Variants in MED12L observed in about 807,000 individuals in gnomAD.
MED12L encodes mediator complex subunit 12L, also known as mediator of RNA polymerase II transcription subunit 12-like protein.
A neutral mutation model predicts 281.3 loss-of-function variants in MED12L; 60 were observed. The observed-to-expected ratio is 0.21, with a 90% confidence interval of 0.17 to 0.26. The LOEUF is 0.26. Among genes scored for constraint, MED12L ranks in the 10% least tolerant of loss-of-function variants. MED12L has a pLI of 1.00. For synonymous variants in MED12L, 974 were observed against 987.2 expected (o/e 0.99, Z 0.25); for missense variants, 2,146 against 2,680.9 (o/e 0.80, Z 4.41).
In MED12L at chr3:151,085,729, G is replaced by T. The variant is rs1001331497; in HGVS notation, c.-337G>T. 6.6e-6 allele frequency: 1 copy of T among 152,022 alleles called. No homozygotes were observed. The highest frequency in any genetic ancestry group is 1.5e-5 in the Non-Finnish European group (1 of 67,972). The allele number at this position is 152,022 out of a possible 1,614,324, so 9.4% of individuals were successfully genotyped here. On this transcript the variant is annotated 5_prime_UTR_variant, in exon 1 of 45. Coordinates refer to ENST00000687756, the MANE Select transcript of MED12L (RefSeq NM_001393769.1). ...AAGCTCGCGCTCCCGGGCCGTGGGG[G>T]CGAGAACGCCGGCGGCGAGCCGGCG... is the stretch of plus-strand genomic sequence containing the variant.
At chr3:151,317,371 TAAAAC>T (rs937554743) in intron 16 of MED12L, among the ~76,000 whole-genome samples, 33 of 141,250 alleles carry the variant, frequency 2.3e-4, no homozygotes, top group Admixed American at 6.7e-4. Context: ...ACCTTTAACA[TAAAAC>T]AATTTATTTT....
In MED12L at chr3:151,291,717, C is replaced by T. The variant is rs73869184; in HGVS notation, c.2251-58342C>T. On this transcript the variant is annotated intron_variant, in intron 16 of 44. Transcript: ENST00000687756. ...AGTATTATGTAACTTCTGACACTAG[C>T]ATCATGTATTATTCCCATTGATGTT... 8.3e-3 allele frequency among the ~76,000 whole-genome samples: 1,266 copies of T among 152,266 alleles called. 19 individuals carry two copies. Among genetic ancestry groups the T allele is most frequent in the African/African-American group, 0.029 (1,190 of 41,538 alleles).
chr3:151,153,515 G>A (rs1372763950), intron 5 of MED12L, among the ~76,000 whole-genome samples: 3 of 148,428 alleles, frequency 2.0e-5, no homozygotes, highest in African/African-American at 5.0e-5. Flanking sequence ...AACATTCCCC[G>A]CCCCTTCATC....
At position 151,376,768 on chromosome 3, in the gene MED12L, CATA is replaced by C. The variant is rs745937445; in HGVS notation, c.4054-29_4054-27del. ...ACTGTATTTTAACACATTTGATACC[CATA>C]ATGTTTTAATTCTTTCCATTTTTCC... is the stretch of plus-strand genomic sequence containing the variant. On this transcript the variant is annotated intron_variant, in intron 28 of 44. Coordinates refer to ENST00000687756, the MANE Select transcript of MED12L (RefSeq NM_001393769.1). 7.1e-6 allele frequency: 11 copies of C among 1,540,928 alleles called. No homozygotes were observed. The South Asian group carries it at 1.2e-4, about 17-fold the overall frequency.
At chr3:151,137,114 A>T (rs1483953943) in intron 5 of MED12L, among the ~76,000 whole-genome samples, 1 of 150,416 alleles carries the variant, frequency 6.6e-6, no homozygotes, top group Non-Finnish European at 1.5e-5. Flanking sequence ...GTGAGCTGAG[A>T]TCGCACCACT....
At chr3:151,173,868 A>G (rs548377773) in intron 11 of MED12L, among the ~76,000 whole-genome samples, 1 of 152,374 alleles carries the variant, frequency 6.6e-6, no homozygotes, top group South Asian at 2.1e-4. Context: ...ACAAAGCACC[A>G]TCTTCTAGAA....
intron 16 of MED12L, among the ~76,000 whole-genome samples, chr3:151,334,283 C>T (rs1750715128): frequency 7.0e-6 from 1 of 143,654 alleles, no homozygotes; most frequent in Non-Finnish European, 1.5e-5. Context: ...TTTCTCACTA[C>T]CTATTGATTA....
intron 16 of MED12L, among the ~76,000 whole-genome samples, chr3:151,308,924 A>G (rs569027102): frequency 2.0e-5 from 3 of 152,266 alleles, no homozygotes; most frequent in African/African-American, 4.8e-5. Context: ...CTTCAATTTC[A>G]TCACTTGTCT....
chr3:151,213,496 C>A, intron 16 of MED12L: 1 of 1,614,074 alleles, frequency 6.2e-7, no homozygotes, highest in Non-Finnish European at 8.5e-7. Context: ...TTTCATATAC[C>A]GCAAGATTTC....
rs770530941 is a variant in MED12L at position 151,365,867 on chromosome 3, A to G, written c.3203A>G (p.Asn1068Ser). The G allele has an allele frequency of 5.9e-5, 95 of 1,609,938 alleles. No homozygotes were observed. The highest frequency in any genetic ancestry group is 7.9e-5 in the Non-Finnish European group (93 of 1,178,030). ...QDAGRINDIA[N>S]FSSELTACCT... Reference sequence around the variant, plus strand: ...TTTTCTAGGATTAACGACATAGCCAATTTCTCCTCTGAGCTTACGGCTTGC... The same window carrying G: ...TTTTCTAGGATTAACGACATAGCCAGTTTCTCCTCTGAGCTTACGGCTTGC... Residue 1068 changes from asparagine (N) to serine (S), a missense_variant, in exon 23 of 45, where the codon AAT (asparagine) becomes AGT (serine). Physicochemically the swap from Asn to Ser is conservative, Grantham distance 46 (BLOSUM62 1). This residue lies in a region of MED12L where 404 missense variants were observed against 603.5 expected (regional missense o/e 0.67). Coordinates refer to ENST00000687756, the MANE Select transcript of MED12L (RefSeq NM_001393769.1).
chr3:151,276,341 C>T (rs750186201), intron 16 of MED12L, among the ~76,000 whole-genome samples: 2 of 152,220 alleles, frequency 1.3e-5, no homozygotes, highest in Non-Finnish European at 2.9e-5. Flanking sequence ...TCCAAACAAA[C>T]TTGGCACTCT....
chr3:151,265,984 A>C (rs906802322), intron 16 of MED12L, among the ~76,000 whole-genome samples: 19 of 152,108 alleles, frequency 1.2e-4, no homozygotes, highest in Admixed American at 7.2e-4. Context: ...AGAGGCATTT[A>C]ATTGTTGTCT....
At chr3:151,222,707 A>G (rs952270153) in intron 16 of MED12L, among the ~76,000 whole-genome samples, 1 of 152,226 alleles carries the variant, frequency 6.6e-6, no homozygotes, top group Non-Finnish European at 1.5e-5. Flanking sequence ...CAGCAGTGTG[A>G]AAATGGACTA....
rs189331266 is a variant in MED12L, at chr3:151,266,140, G to A, written c.2250+72474G>A. 2.0e-3 allele frequency among the ~76,000 whole-genome samples: 302 copies of A among 152,210 alleles called. 1 individual carries two copies. Among genetic ancestry groups the A allele is most frequent in the African/African-American group, 7.0e-3 (290 of 41,522 alleles). Reference sequence around the variant, plus strand: ...TTAGTGCTTTTGTTTGCAGCACAACGTTGTTACGGCAACTTTATGCTAATG... The same window carrying A: ...TTAGTGCTTTTGTTTGCAGCACAACATTGTTACGGCAACTTTATGCTAATG... On this transcript the variant is annotated intron_variant, in intron 16 of 44. Transcript: ENST00000687756.
At chr3:151,165,669 A>T in intron 10 of MED12L, 150 bp downstream of exon 10, 1 of 925,672 alleles carries the variant, frequency 1.1e-6, no homozygotes, top group Non-Finnish European at 1.7e-6. Flanking sequence ...TATGCCTTTT[A>T]GATCCTGGCT....
intron 11 of MED12L, among the ~76,000 whole-genome samples, chr3:151,178,180 A>AAAAAAAAG (rs1560124043): frequency 1.3e-5 from 2 of 151,266 alleles, no homozygotes; most frequent in African/African-American, 4.9e-5. Flanking sequence ...AAAAAAAAAA[A>AAAAAAAAG]AAAAGAAAGT....
intron 14 of MED12L, 71 bp from the exon 15 acceptor site, chr3:151,192,479 A>G: frequency 9.3e-7 from 1 of 1,075,142 alleles, no homozygotes. Flanking sequence ...TCCCACTGTC[A>G]TGTTTTAGCT....
chr3:151,240,967 G>T (rs1160446399), intron 16 of MED12L, among the ~76,000 whole-genome samples: 3 of 151,144 alleles, frequency 2.0e-5, no homozygotes, highest in Non-Finnish European at 4.4e-5. Flanking sequence ...GGTGAAACAG[G>T]GGCAAGAATA....
intron 4 of MED12L, among the ~76,000 whole-genome samples, chr3:151,123,732 C>T (rs1266254907): frequency 1.3e-5 from 2 of 152,114 alleles, no homozygotes; most frequent in African/African-American, 4.8e-5. Flanking sequence ...GAGTGCCTGT[C>T]TTCTGTTCTT....
Sources: gnomAD v4.1 joint callset for allele counts (sites outside exome capture counted in the v4.1 genomes callset) on GRCh38, gnomAD v4.1.1 for gene constraint, gnomAD v4.1.1 regional missense constraint, MANE v1.5 for transcripts, NCBI Gene and HGNC (gene_info 2026-07-23, HGNC 2026-07-21) for gene names.